Variants in PTPRK observed in about 807,000 individuals in gnomAD.
The protein encoded by PTPRK is receptor-type tyrosine-protein phosphatase kappa.
In PTPRK, 75 loss-of-function variants were observed where a neutral mutation model predicts 178.0. That is an observed-to-expected ratio of 0.42 (90% CI 0.35 to 0.51). The LOEUF (loss-of-function observed/expected upper bound fraction) is 0.51, where lower values mean the gene tolerates loss of function less well. Ranked by LOEUF, PTPRK falls within the 20% of genes least tolerant of loss-of-function variation. The pLI, the probability that PTPRK is intolerant of heterozygous loss-of-function variation, is 0.02. For synonymous variants in PTPRK, 637 were observed against 620.6 expected (o/e 1.03, Z -0.39); for missense variants, 1,441 against 1,797.8 (o/e 0.80, Z 3.59).
chr6:128,269,529 A>T (rs1305358943), intron 3 of PTPRK, among the ~76,000 whole-genome samples: 1 of 152,058 alleles, frequency 6.6e-6, no homozygotes, highest in Non-Finnish European at 1.5e-5. Context: ...TTAAAAAAAA[A>T]AAAGGTATAA....
At chr6:128,101,221 A>C (rs1008330663) in intron 7 of PTPRK, among the ~76,000 whole-genome samples, 1 of 152,036 alleles carries the variant, frequency 6.6e-6, no homozygotes, top group African/African-American at 2.4e-5. Context: ...TTTTTTCTAC[A>C]TCCAAATCTA....
At chr6:128,008,009 ATG>A (rs775935259) in intron 14 of PTPRK, 1 of 1,274,284 alleles carries the variant, frequency 7.8e-7, no homozygotes, top group Non-Finnish European at 1.1e-6. Flanking sequence ...GAAAGCACGT[ATG>A]TAGCTAATTT....
In PTPRK at chr6:127,981,292, A is replaced by G; in HGVS notation, c.3538-3T>C. The G allele has an allele frequency of 1.2e-6, 2 of 1,612,232 alleles. No individual in the cohort carries two copies. Among genetic ancestry groups the G allele is most frequent in the South Asian group, 1.1e-5 (1 of 90,940 alleles). On this transcript the variant is annotated splice_region_variant and splice_polypyrimidine_tract_variant and intron_variant, in intron 24 of 29. Transcript: ENST00000368226. ...CGAGGGGTGACTGAATTCAGAGTCT[A>G]AAAAGAAAAGAGAACCCAGGTTAAA...
Position 128,168,210 on chromosome 6 carries a change from TC to T in PTPRK, c.1162+16221del, listed in dbSNP as rs575946347. 3.3e-3 allele frequency among the ~76,000 whole-genome samples: 505 copies of T among 152,224 alleles called. 5 individuals are homozygous for T. Among genetic ancestry groups the T allele is most frequent in the African/African-American group, 0.011 (463 of 41,586 alleles). On this transcript the variant is annotated intron_variant, in intron 7 of 29. Coordinates refer to ENST00000368226, the MANE Select transcript of PTPRK (RefSeq NM_002844.4). ...TAAGCGGCAGCTCAATTTAATTCTT[TC>T]TTGCATTTTGATTGAAATGAAAGTG...
chr6:128,501,588 G>T (rs559979195), intron 1 of PTPRK, among the ~76,000 whole-genome samples: 95 of 152,178 alleles, frequency 6.2e-4, no homozygotes, highest in African/African-American at 2.1e-3. Context: ...TCCATTTAGC[G>T]CTACATTAAT....
chr6:128,250,815 C>T (rs73592691), intron 3 of PTPRK, among the ~76,000 whole-genome samples: 1 of 152,198 alleles, frequency 6.6e-6, no homozygotes, highest in Non-Finnish European at 1.5e-5. Context: ...CTATTTTCAT[C>T]CATACATAAA....
rs770010293 is a variant in PTPRK, at chr6:127,983,280, C to G, written c.3349G>C (p.Ala1117Pro). Residue 1117 changes from alanine (A) to proline (P), a missense_variant, in exon 23 of 30, where the codon GCC (alanine) becomes CCC (proline). Ala to Pro is a conservative substitution (Grantham distance 27). Transcript: ENST00000368226. The stretch of plus-strand genomic sequence containing the variant: ...ATATTAATACGCCGAGATCTTAAGG[C>G]TTTGACACAATTGTAAATATCAACA... The part of the protein sequence containing the change: ...GVVDIYNCVK[A>P]LRSRRINMVQ... 3 of 1,613,590 alleles carry G rather than the reference C, an allele frequency of 1.9e-6. No individual in the cohort carries two copies. The highest frequency in any genetic ancestry group is 2.5e-6 in the Non-Finnish European group (3 of 1,179,678).
At chr6:128,297,339 A>C (rs972698029) in intron 3 of PTPRK, among the ~76,000 whole-genome samples, 9 of 152,172 alleles carry the variant, frequency 5.9e-5, no homozygotes, top group Non-Finnish European at 1.3e-4. Context: ...TAACAAGGAT[A>C]CCCAGGAATT....
chr6:128,243,504 A>AG (rs1178900373), intron 3 of PTPRK, among the ~76,000 whole-genome samples: 6 of 142,140 alleles, frequency 4.2e-5, no homozygotes, highest in East Asian at 4.0e-4. Flanking sequence ...AAAAAAAAAA[A>AG]AAAAAAAAAG....
At chr6:127,973,590 A>G (rs1583462474) in intron 28 of PTPRK, 74 bp downstream of exon 28, 2 of 1,546,950 alleles carry the variant, frequency 1.3e-6, no homozygotes, top group Non-Finnish European at 1.8e-6. Flanking sequence ...TGCAAGCCAG[A>G]TAGTCTTTAA....
chr6:127,970,192 T>G lies in PTPRK; in HGVS notation c.*35A>C. 1 of 1,549,558 alleles carries G rather than the reference T, an allele frequency of 6.5e-7. No homozygotes were observed. The highest frequency in any genetic ancestry group is 8.9e-7 in the Non-Finnish European group (1 of 1,129,106). On this transcript the variant is annotated 3_prime_UTR_variant, in exon 30 of 30. Coordinates refer to ENST00000368226, the MANE Select transcript of PTPRK (RefSeq NM_002844.4). ...CTGCTGGCTCAATAGATGGACAGGT[T>G]TCTTCATGGATGCACTTTAAAGAGT...
At chr6:128,386,995 G>A (rs974188310) in intron 2 of PTPRK, among the ~76,000 whole-genome samples, 1 of 152,150 alleles carries the variant, frequency 6.6e-6, no homozygotes, top group Non-Finnish European at 1.5e-5. Context: ...TTGAACCCAG[G>A]AGGCGAAGGT....
At chr6:128,024,869 A>G (rs1042378906) in intron 13 of PTPRK, among the ~76,000 whole-genome samples, 1 of 152,186 alleles carries the variant, frequency 6.6e-6, no homozygotes. Flanking sequence ...GATAATTGCT[A>G]GAATTTATCA....
intron 7 of PTPRK, among the ~76,000 whole-genome samples, chr6:128,124,883 T>A (rs776924050): frequency 1.3e-5 from 2 of 152,208 alleles, no homozygotes; most frequent in Non-Finnish European, 2.9e-5. Context: ...GGCTCCTCCA[T>A]GAGTCATGAG....
chr6:128,439,183 G>A (rs577589350), intron 1 of PTPRK, among the ~76,000 whole-genome samples: 1 of 152,262 alleles, frequency 6.6e-6, no homozygotes. Flanking sequence ...TGATTGAACA[G>A]TTATGCATTT....
chr6:127,985,982 A>C, intron 21 of PTPRK, 107 bp from the exon 22 acceptor site: 2 of 1,102,626 alleles, frequency 1.8e-6, no homozygotes, highest in Non-Finnish European at 2.5e-6. Flanking sequence ...ATAACAATAA[A>C]ACCTTTACGA....
intron 7 of PTPRK, among the ~76,000 whole-genome samples, chr6:128,175,044 AGTAGCTAG>A (rs1800855286): frequency 6.6e-6 from 1 of 151,910 alleles, no homozygotes; most frequent in South Asian, 2.1e-4. Context: ...CTAGACTTTG[AGTAGCTAG>A]AGAACAGAGT....
At chr6:128,450,664 A>G in intron 1 of PTPRK, among the ~76,000 whole-genome samples, 1 of 152,238 alleles carries the variant, frequency 6.6e-6, no homozygotes, top group Non-Finnish European at 1.5e-5. Context: ...GCAAGAACTA[A>G]GGCAGGGGCA....
In PTPRK at chr6:128,082,672, T is replaced by A. The variant is rs137991651; in HGVS notation, c.1576-34A>T. The A allele has an allele frequency of 6.8e-6, 10 of 1,467,096 alleles. No homozygotes were observed. In the African/African-American group the frequency reaches 9.7e-5, roughly 14 times the overall value. 90.9% of individuals were successfully genotyped at this position (1,467,096 alleles called of 1,614,324 possible). ...AGAAATACATTTATTACATATCTAG[T>A]ATCCATCATAAGAAACTGTAAATAA... is the stretch of plus-strand genomic sequence containing the variant. On this transcript the variant is annotated intron_variant, in intron 9 of 29. Transcript: ENST00000368226.
Sources: gnomAD v4.1 joint callset for allele counts (sites outside exome capture counted in the v4.1 genomes callset) on GRCh38, gnomAD v4.1.1 for gene constraint, MANE v1.5 for transcripts, NCBI Gene and HGNC (gene_info 2026-07-23, HGNC 2026-07-21) for gene names.